Variants in KIFAP3 observed in about 807,000 individuals in gnomAD.
The protein encoded by KIFAP3 is kinesin associated protein 3.
Under a neutral mutation model 106.5 loss-of-function variants are expected in KIFAP3, and 68 were observed. The observed-to-expected ratio is 0.64, with a 90% CI of 0.53 to 0.78. KIFAP3 has a LOEUF of 0.78. Among genes scored for constraint, KIFAP3 ranks in the 30% least tolerant of loss-of-function variants. The pLI, the probability that KIFAP3 is intolerant of heterozygous loss-of-function variation, is 0.00. For synonymous variants in KIFAP3, 320 were observed against 311.5 expected (o/e 1.03, Z -0.29); for missense variants, 780 against 941.8 (o/e 0.83, Z 2.25).
intron 18 of KIFAP3, among the ~76,000 whole-genome samples, chr1:169,954,777 C>T (rs991240838): frequency 1.3e-5 from 2 of 151,972 alleles, no homozygotes; most frequent in Admixed American, 6.6e-5. Context: ...TTGTACAGTC[C>T]CTAGCGTTGT....
chr1:169,984,566 A>T lies in KIFAP3; in HGVS notation c.1393+16T>A. On this transcript the variant is annotated intron_variant, in intron 12 of 19. Transcript: ENST00000361580. ...ACCATATGCTAAAAAAGTTACCTACACTCAAAGGCACTGACCTTCACAGAT... is the reference window on the plus strand; with the variant it reads ...ACCATATGCTAAAAAAGTTACCTACTCTCAAAGGCACTGACCTTCACAGAT... The T allele has an allele frequency of 7.4e-7, 1 of 1,360,424 alleles. No homozygotes were observed. The highest frequency in any genetic ancestry group is 1.0e-6 in the Non-Finnish European group (1 of 963,292). The allele number at this position is 1,360,424 out of a possible 1,614,324, so 84.3% of individuals were successfully genotyped here. A position where few individuals can be genotyped will look rare whatever the true frequency, so the allele number is the denominator to read the frequency against.
chr1:170,005,879 A>AC (rs1357730911), intron 10 of KIFAP3, among the ~76,000 whole-genome samples: 1 of 151,536 alleles, frequency 6.6e-6, no homozygotes, highest in East Asian at 1.9e-4. Flanking sequence ...TAAAAAAAAA[A>AC]CCCTGTATAC....
intron 9 of KIFAP3, 61 bp downstream of exon 9, chr1:170,024,357 A>G: frequency 8.8e-7 from 1 of 1,138,684 alleles, no homozygotes; most frequent in Non-Finnish European, 1.2e-6. Context: ...ATTTTTTTCA[A>G]AATATTCTAA....
chr1:170,060,998 T>C (rs999846472), intron 1 of KIFAP3, among the ~76,000 whole-genome samples: 4 of 152,200 alleles, frequency 2.6e-5, no homozygotes, highest in African/African-American at 7.2e-5. Context: ...TTACACCTTA[T>C]ACAAAAATTA....
chr1:169,987,508 T>C (rs1252433919), intron 11 of KIFAP3, among the ~76,000 whole-genome samples: 2 of 152,080 alleles, frequency 1.3e-5, no homozygotes, highest in East Asian at 3.8e-4. Flanking sequence ...TACCAGAACT[T>C]TGCATGCCTC....
At chr1:169,959,855 C>T (rs1420345944) in intron 18 of KIFAP3, among the ~76,000 whole-genome samples, 1 of 152,078 alleles carries the variant, frequency 6.6e-6, no homozygotes, top group Non-Finnish European at 1.5e-5. Flanking sequence ...TTTGCCATTA[C>T]TGAACTAAGA....
At chr1:169,979,259 CTTTACT>C (rs945361689) in intron 15 of KIFAP3, among the ~76,000 whole-genome samples, 7 of 152,232 alleles carry the variant, frequency 4.6e-5, no homozygotes, top group Non-Finnish European at 7.4e-5. Context: ...AACTACGTGT[CTTTACT>C]TTTACCTCCC....
At chr1:169,991,345 C>A (rs76606834) in intron 11 of KIFAP3, among the ~76,000 whole-genome samples, 1 of 138,890 alleles carries the variant, frequency 7.2e-6, no homozygotes, top group Non-Finnish European at 1.6e-5. Flanking sequence ...GATCCTGTCT[C>A]AAAAAAAAAA....
At chr1:169,947,493 G>A (rs947109160) in intron 19 of KIFAP3, among the ~76,000 whole-genome samples, 1 of 151,968 alleles carries the variant, frequency 6.6e-6, no homozygotes, top group Admixed American at 6.5e-5. Context: ...AGGGACTTAT[G>A]CAAATGTGCA....
chr1:170,033,971 C>T lies in KIFAP3; in HGVS notation c.742+401G>A, dbSNP rs1438637544. 4.6e-5 allele frequency among the ~76,000 whole-genome samples: 7 copies of T among 151,822 alleles called. No individual in the cohort carries two copies. The South Asian group carries it at 1.0e-3, about 23-fold the overall frequency. On this transcript the variant is annotated intron_variant, in intron 7 of 19. Transcript: ENST00000361580. The stretch of plus-strand genomic sequence containing the variant: ...AAATAGAACCTTTAACTAGGTTCAT[C>T]ACCAAATTTACACCCATTCTAATCA...
At chr1:170,004,280 C>T (rs1477247973) in intron 10 of KIFAP3, among the ~76,000 whole-genome samples, 1 of 152,050 alleles carries the variant, frequency 6.6e-6, no homozygotes, top group Non-Finnish European at 1.5e-5. Context: ...GGCCATACTG[C>T]CCAAGGTAAT....
At position 169,949,573 on chromosome 1, in the gene KIFAP3, GAAAAGT is replaced by G. The variant is rs372392260; in HGVS notation, c.2273+4432_2273+4437del. Among the ~76,000 whole-genome samples the G allele has an allele frequency of 4.8e-3, 726 of 152,132 alleles. 10 individuals are homozygous for G. Among genetic ancestry groups the G allele is most frequent in the African/African-American group, 0.016 (675 of 41,518 alleles). On this transcript the variant is annotated intron_variant, in intron 19 of 19. Coordinates refer to ENST00000361580, the MANE Select transcript of KIFAP3 (RefSeq NM_014970.4). ...TTAACATGCGGTTCTTGTTAGTCTT[GAAAAGT>G]AAAAGTTATAATAAAAAAATGGTCC... is the stretch of plus-strand genomic sequence containing the variant.
At chr1:169,946,462 A>G (rs686911) in intron 19 of KIFAP3, among the ~76,000 whole-genome samples, 142,281 of 152,144 alleles carry the variant, frequency 0.94, 66,618 homozygotes, top group East Asian at 0.99. Context: ...TAAACTTTCT[A>G]AAGTACAGTT....
intron 8 of KIFAP3, among the ~76,000 whole-genome samples, chr1:170,028,594 C>G (rs769057432): frequency 2.6e-5 from 4 of 152,166 alleles, no homozygotes; most frequent in Non-Finnish European, 5.9e-5. Flanking sequence ...ACCTAGGCCT[C>G]CCAGAATGCT....
chr1:169,992,704 G>A (rs1304510300), intron 10 of KIFAP3, among the ~76,000 whole-genome samples: 1 of 151,952 alleles, frequency 6.6e-6, no homozygotes, highest in African/African-American at 2.4e-5. Flanking sequence ...TAAAGTAGTA[G>A]TTATAACAAA....
chr1:169,957,615 A>G (rs1000117805), intron 18 of KIFAP3, among the ~76,000 whole-genome samples: 5 of 151,764 alleles, frequency 3.3e-5, no homozygotes, highest in Admixed American at 2.0e-4. Context: ...ACTGAAATAC[A>G]GTTCTTTTTT....
intron 1 of KIFAP3, among the ~76,000 whole-genome samples, chr1:170,059,845 T>C (rs1448179733): frequency 6.6e-6 from 1 of 152,218 alleles, no homozygotes; most frequent in Admixed American, 6.5e-5. Flanking sequence ...ACCATTGGAA[T>C]GCAACGCTGG....
chr1:170,016,421 A>G lies in KIFAP3; in HGVS notation c.1183+41T>C, dbSNP rs762232425. ...GAGCTCAATTTTCCAGCGATGTTGG[A>G]AATTCCAGACAACACTGTCATTAAT... On this transcript the variant is annotated intron_variant, in intron 10 of 19. Coordinates refer to ENST00000361580, the MANE Select transcript of KIFAP3 (RefSeq NM_014970.4). The G allele has an allele frequency of 3.9e-6, 6 of 1,539,936 alleles. No individual in the cohort carries two copies. The East Asian group carries it at 1.2e-4, about 31-fold the overall frequency.
chr1:170,008,195 G>A (rs891598192), intron 10 of KIFAP3, among the ~76,000 whole-genome samples: 1 of 151,572 alleles, frequency 6.6e-6, no homozygotes, highest in Non-Finnish European at 1.5e-5. Context: ...ATACCGTTCA[G>A]GACATAGACA....
Sources: allele counts gnomAD v4.1 joint callset (sites outside exome capture counted in the v4.1 genomes callset), GRCh38; gene constraint gnomAD v4.1.1; transcripts MANE v1.5; gene names NCBI Gene and HGNC (gene_info 2026-07-23, HGNC 2026-07-21).